The following CHRM3 variants were observed in gnomAD, a reference collection of about 807,000 sequenced individuals.
The protein encoded by CHRM3 is muscarinic acetylcholine receptor M3.
Under a neutral mutation model 41.8 loss-of-function variants are expected in CHRM3, and 11 were observed. That is an observed-to-expected ratio of 0.26 (90% CI 0.17 to 0.44). The LOEUF (loss-of-function observed/expected upper bound fraction) is 0.44. CHRM3 is among the 20% of genes least tolerant of loss of function. The probability of loss-of-function intolerance (pLI) is 1.00; values close to 1 mark genes in which losing one functional copy is unlikely to be tolerated. For synonymous variants in CHRM3, 297 were observed against 301.4 expected (o/e 0.99, Z 0.15); for missense variants, 571 against 745.4 (o/e 0.77, Z 2.72).
At chr1:239,503,006 G>T (rs892436956) in intron 2 of CHRM3, among the ~76,000 whole-genome samples, 2 of 152,060 alleles carry the variant, frequency 1.3e-5, no homozygotes, top group African/African-American at 4.8e-5. Flanking sequence ...GAACAAGACA[G>T]GGATGCCCAC....
intron 6 of CHRM3, among the ~76,000 whole-genome samples, chr1:239,834,927 CAT>C (rs1673190978): frequency 6.6e-6 from 1 of 152,162 alleles, no homozygotes; most frequent in South Asian, 2.1e-4. Flanking sequence ...AAGTTTAACA[CAT>C]ATGCTCAGTC....
intron 2 of CHRM3, among the ~76,000 whole-genome samples, chr1:239,505,004 A>G (rs1428659505): frequency 6.6e-6 from 1 of 152,134 alleles, no homozygotes; most frequent in Non-Finnish European, 1.5e-5. Flanking sequence ...CTCAGAAATC[A>G]CCACTAAAGA....
At chr1:239,797,362 T>A in intron 5 of CHRM3, among the ~76,000 whole-genome samples, 1 of 148,458 alleles carries the variant, frequency 6.7e-6, no homozygotes, top group African/African-American at 2.5e-5. Context: ...AAAATGAAAA[T>A]CTCTATAATA....
intron 3 of CHRM3, among the ~76,000 whole-genome samples, chr1:239,552,542 G>A (rs1039558241): frequency 1.6e-4 from 23 of 146,682 alleles, no homozygotes; most frequent in African/African-American, 5.8e-4. Context: ...GCTCACTGCA[G>A]CCTCAACCTT....
intron 5 of CHRM3, chr1:239,727,957 A>G (rs775750561): frequency 9.2e-5 from 14 of 151,986 alleles, no homozygotes; most frequent in South Asian, 2.1e-4. Flanking sequence ...CTGTAAGACT[A>G]CTAGAAAATA....
In CHRM3 at chr1:239,427,915, G is replaced by A. The variant is rs193290012; in HGVS notation, c.-521+40688G>A. Among the ~76,000 whole-genome samples the A allele has an allele frequency of 6.5e-4, 99 of 152,300 alleles. 1 individual carries two copies. The highest frequency in any genetic ancestry group is 2.3e-3 in the African/African-American group (95 of 41,576). On this transcript the variant is annotated intron_variant, in intron 1 of 6. Transcript: ENST00000676153. ...AAGAGTCCAAAGAATTCCCAGCAAA[G>A]TAGCCATTTATAGTCCTGGCTGACT... is the stretch of plus-strand genomic sequence containing the variant.
chr1:239,837,233 G>A (rs568610320), intron 6 of CHRM3, among the ~76,000 whole-genome samples: 1 of 152,242 alleles, frequency 6.6e-6, no homozygotes, highest in South Asian at 2.1e-4. Flanking sequence ...CTTGCCCTTT[G>A]AAGAGTCTGT....
chr1:239,651,400 C>T (rs1473591740), intron 4 of CHRM3, among the ~76,000 whole-genome samples: 1 of 152,142 alleles, frequency 6.6e-6, no homozygotes, highest in Non-Finnish European at 1.5e-5. Flanking sequence ...GTTGTTTCTG[C>T]TTCAAAATGT....
At chr1:239,516,737 G>A (rs1255010511) in intron 2 of CHRM3, among the ~76,000 whole-genome samples, 2 of 152,196 alleles carry the variant, frequency 1.3e-5, no homozygotes, top group Admixed American at 1.3e-4. Flanking sequence ...CGCACAGCGG[G>A]AGGTGAGTGG....
intron 5 of CHRM3, among the ~76,000 whole-genome samples, chr1:239,818,447 C>G (rs945957914): frequency 2.0e-5 from 3 of 152,190 alleles, no homozygotes; most frequent in African/African-American, 7.2e-5. Flanking sequence ...TGAGCTTCCT[C>G]CACTCCCTGG....
At chr1:239,522,547 T>C (rs545435294) in intron 2 of CHRM3, among the ~76,000 whole-genome samples, 1 of 152,354 alleles carries the variant, frequency 6.6e-6, no homozygotes, top group East Asian at 1.9e-4. Flanking sequence ...TACCACCTTT[T>C]GGTGTGATTA....
At chr1:239,905,105 G>A (rs189439961) in intron 6 of CHRM3, among the ~76,000 whole-genome samples, 2 of 152,222 alleles carry the variant, frequency 1.3e-5, no homozygotes, top group East Asian at 1.9e-4. Flanking sequence ...GTATCAAATC[G>A]TTTGCATCTT....
chr1:239,568,390 G>C (rs115295528), intron 3 of CHRM3, among the ~76,000 whole-genome samples: 1 of 152,040 alleles, frequency 6.6e-6, no homozygotes, highest in Non-Finnish European at 1.5e-5. Flanking sequence ...GACCCTTTTC[G>C]CTTGCCTCTC....
chr1:239,462,752 C>A (rs963546772), intron 1 of CHRM3, among the ~76,000 whole-genome samples: 3 of 152,208 alleles, frequency 2.0e-5, no homozygotes, highest in African/African-American at 7.2e-5. Context: ...CGTCCTAGCT[C>A]AAGTTTACTT....
At chr1:239,513,072 A>C (rs893501673) in intron 2 of CHRM3, among the ~76,000 whole-genome samples, 5 of 152,186 alleles carry the variant, frequency 3.3e-5, no homozygotes, top group Admixed American at 2.0e-4. Context: ...TTCTGACAAC[A>C]AAATTCCAGA....
At chr1:239,698,283 T>A (rs141855927) in intron 5 of CHRM3, among the ~76,000 whole-genome samples, 38 of 152,318 alleles carry the variant, frequency 2.5e-4, no homozygotes, top group African/African-American at 9.1e-4. Context: ...CCTATTTCCT[T>A]CTCAAAGGTC....
intron 1 of CHRM3, among the ~76,000 whole-genome samples, chr1:239,390,066 T>A (rs1558184376): frequency 6.6e-6 from 1 of 152,214 alleles, no homozygotes; most frequent in South Asian, 2.1e-4. Flanking sequence ...TTTTGGAGGA[T>A]CAGTGAGTAA....
At chr1:239,667,046 T>G (rs1673878483) in intron 4 of CHRM3, among the ~76,000 whole-genome samples, 1 of 152,184 alleles carries the variant, frequency 6.6e-6, no homozygotes. Flanking sequence ...TTAATCTGCA[T>G]CTCTTCTCAA....
intron 6 of CHRM3, among the ~76,000 whole-genome samples, chr1:239,875,052 A>G (rs976903305): frequency 6.6e-6 from 1 of 152,186 alleles, no homozygotes; most frequent in African/African-American, 2.4e-5. Context: ...AACCCAATGT[A>G]TCTTTGTATC....
Sources: allele counts gnomAD v4.1 joint callset (sites outside exome capture counted in the v4.1 genomes callset), GRCh38; gene constraint gnomAD v4.1.1; transcripts MANE v1.5; gene names NCBI Gene and HGNC (gene_info 2026-07-23, HGNC 2026-07-21).